SGCD: variants seen among roughly 807,000 people sequenced by gnomAD.
SGCD encodes the protein delta-sarcoglycan.
In SGCD, 18 loss-of-function variants were observed where a neutral mutation model predicts 36.6. The observed-to-expected ratio is 0.49, with a 90% CI of 0.34 to 0.73. The LOEUF is 0.73. Ranked by LOEUF, SGCD falls within the 30% of genes least tolerant of loss-of-function variation. The pLI is 0.01. For synonymous variants in SGCD, 133 were observed against 130.6 expected, an observed-to-expected ratio of 1.02 and a Z score of -0.12; for missense variants, 387 against 346.7, an observed-to-expected ratio of 1.12 and a Z score of -0.92.
chr5:156,470,795 G>T (rs1473485741), intron 3 of SGCD, among the ~76,000 whole-genome samples: 3 of 152,134 alleles, frequency 2.0e-5, no homozygotes, highest in Non-Finnish European at 4.4e-5. Context: ...CTCTAATAAT[G>T]ATAAATGTTG....
intron 1 of SGCD, among the ~76,000 whole-genome samples, chr5:156,088,611 C>A (rs917530362): frequency 6.6e-6 from 1 of 152,040 alleles, no homozygotes; most frequent in African/African-American, 2.4e-5. Context: ...GTGATCCCCC[C>A]ACCTCAACCT....
At chr5:156,596,020 G>A (rs780460809) in intron 6 of SGCD, among the ~76,000 whole-genome samples, 3 of 152,044 alleles carry the variant, frequency 2.0e-5, no homozygotes, top group Non-Finnish European at 2.9e-5. Context: ...TTGTGACTTT[G>A]GGCAAGTTGC....
At chr5:156,364,296 C>T (rs759008472) in intron 3 of SGCD, among the ~76,000 whole-genome samples, 6 of 152,014 alleles carry the variant, frequency 3.9e-5, no homozygotes, top group Non-Finnish European at 7.4e-5. Flanking sequence ...GGTTCACTAA[C>T]AATCAGTCTT....
chr5:156,520,636 A>G (rs1022213807), intron 4 of SGCD, among the ~76,000 whole-genome samples: 4 of 152,200 alleles, frequency 2.6e-5, no homozygotes, highest in East Asian at 1.9e-4. Context: ...ACTTCAAACT[A>G]TACTACAAGG....
At chr5:156,380,401 T>G (rs1184278030) in intron 3 of SGCD, among the ~76,000 whole-genome samples, 2 of 152,190 alleles carry the variant, frequency 1.3e-5, no homozygotes, top group Non-Finnish European at 2.9e-5. Flanking sequence ...ACCTTCCTCC[T>G]ACAACAGAAG....
intron 3 of SGCD, among the ~76,000 whole-genome samples, chr5:156,416,545 G>GA (rs1287313085): frequency 6.6e-6 from 1 of 152,034 alleles, no homozygotes; most frequent in East Asian, 1.9e-4. Context: ...AAAAAAATGG[G>GA]GGGGGAAAAA....
the SGCD span, among the ~76,000 whole-genome samples, chr5:155,860,370 G>C: frequency 6.6e-6 from 1 of 152,174 alleles, no homozygotes; most frequent in Non-Finnish European, 1.5e-5. Flanking sequence ...TATCATTTTA[G>C]AAAGGTTGCA....
chr5:155,920,888 G>A (rs184433364), intron 1 of SGCD, among the ~76,000 whole-genome samples: 109 of 152,252 alleles, frequency 7.2e-4, no homozygotes, highest in African/African-American at 2.3e-3. Context: ...CAGACAATCC[G>A]CTACTCTGGT....
intron 7 of SGCD, among the ~76,000 whole-genome samples, chr5:156,734,930 T>C (rs956798188): frequency 2.6e-5 from 4 of 152,238 alleles, no homozygotes; most frequent in Non-Finnish European, 1.5e-5. Flanking sequence ...CTTTAGCTTT[T>C]TGAGTTTTCA....
chr5:156,624,474 G>A (rs941776100), intron 6 of SGCD, among the ~76,000 whole-genome samples: 3 of 152,052 alleles, frequency 2.0e-5, no homozygotes, highest in African/African-American at 2.4e-5. Context: ...CCAGCTACTC[G>A]GGAGGCTGAA....
intron 7 of SGCD, among the ~76,000 whole-genome samples, chr5:156,733,515 G>A (rs1300995562): frequency 6.6e-6 from 1 of 152,076 alleles, no homozygotes; most frequent in Non-Finnish European, 1.5e-5. Flanking sequence ...GGAGAGATCT[G>A]TAGATAACTA....
At chr5:155,913,701 C>G (rs1253720691) in intron 1 of SGCD, among the ~76,000 whole-genome samples, 1 of 151,922 alleles carries the variant, frequency 6.6e-6, no homozygotes, top group Admixed American at 6.6e-5. Flanking sequence ...AAAACTTGTC[C>G]TCATTATATT....
chr5:156,059,385 A>AGG lies in SGCD; in HGVS notation c.-281-58491_-281-58490dup, dbSNP rs1231237673. 1.4e-5 allele frequency among the ~76,000 whole-genome samples: 2 copies of AGG among 146,474 alleles called. 1 individual carries two copies. The highest frequency in any genetic ancestry group is 3.1e-5 in the Non-Finnish European group (2 of 64,996). On this transcript the variant is annotated intron_variant, in intron 1 of 9. Coordinates refer to the SGCD transcript ENST00000517913. ...TCAGCCTCCAAGAACTAAGAACTTGAGGGTTGGAGGAGAAAGATTTGGGGA... is the reference window on the plus strand; with the variant it reads ...TCAGCCTCCAAGAACTAAGAACTTGAGGGGGTTGGAGGAGAAAGATTTGGGGA...
At chr5:156,081,068 G>A (rs1236559656) in intron 1 of SGCD, among the ~76,000 whole-genome samples, 1 of 152,190 alleles carries the variant, frequency 6.6e-6, no homozygotes, top group African/African-American at 2.4e-5. Context: ...CTGTACAGGA[G>A]GCATTGTGCC....
At chr5:156,355,917 C>CT (rs1769470882) in intron 3 of SGCD, among the ~76,000 whole-genome samples, 1 of 152,296 alleles carries the variant, frequency 6.6e-6, no homozygotes, top group African/African-American at 2.4e-5. Context: ...TGTGTGATCA[C>CT]TGGGTCCTCC....
In SGCD at chr5:156,201,486, T is replaced by C. The variant is rs531312554; in HGVS notation, c.-44+77467T>C. On this transcript the variant is annotated intron_variant, in intron 3 of 9. Transcript: ENST00000517913. Reference sequence around the variant, plus strand: ...TAACACAATGTCAAGATGTCTTACGTTGACATTAAAGTGTAACCATAGGAG... The same window carrying C: ...TAACACAATGTCAAGATGTCTTACGCTGACATTAAAGTGTAACCATAGGAG... Among the ~76,000 whole-genome samples, 16 of 152,238 alleles carry C rather than the reference T, an allele frequency of 1.1e-4. No individual in the cohort carries two copies. The East Asian group carries it at 1.5e-3, about 15-fold the overall frequency.
intron 7 of SGCD, among the ~76,000 whole-genome samples, chr5:156,717,215 G>GAA (rs970920681): frequency 6.6e-5 from 10 of 152,172 alleles, no homozygotes; most frequent in Admixed American, 4.6e-4. Flanking sequence ...CAAAGAGAGA[G>GAA]AAACACTGTC....
chr5:156,008,314 G>A (rs532976977), intron 1 of SGCD, among the ~76,000 whole-genome samples: 1 of 152,186 alleles, frequency 6.6e-6, no homozygotes, highest in African/African-American at 2.4e-5. Flanking sequence ...ACTTACAGCT[G>A]ATATGCTCCG....
At chr5:156,230,933 A>G (rs1359394327) in intron 3 of SGCD, among the ~76,000 whole-genome samples, 1 of 152,214 alleles carries the variant, frequency 6.6e-6, no homozygotes, top group Admixed American at 6.6e-5. Context: ...CATACAAGAC[A>G]TTTGGATATC....
Sources: allele counts gnomAD v4.1 joint callset (sites outside exome capture counted in the v4.1 genomes callset), GRCh38; gene constraint gnomAD v4.1.1; transcripts MANE v1.5; gene names NCBI Gene and HGNC (gene_info 2026-07-23, HGNC 2026-07-21).